Variants in ADGRL1 observed in about 807,000 individuals in gnomAD.
The protein encoded by ADGRL1 is adhesion G protein-coupled receptor L1.
Under a neutral mutation model 148.9 loss-of-function variants are expected in ADGRL1, and 31 were observed. The ratio of observed to expected loss-of-function variants is 0.21; its 90% CI spans 0.16 to 0.28. ADGRL1 has a LOEUF of 0.28. ADGRL1 is among the 10% of genes least tolerant of loss of function. ADGRL1 has a pLI of 1.00. For missense variants in ADGRL1, 1,521 were observed against 2,058.8 expected (o/e 0.74, Z 5.05); for synonymous variants, 937 against 900.3 (o/e 1.04, Z -0.73).
At chr19:14,163,456 C>T (rs751419412) in intron 4 of ADGRL1, 50 bp from the exon 5 acceptor site, 20 of 940,346 alleles carry the variant, frequency 2.1e-5, no homozygotes, top group Non-Finnish European at 2.9e-5. Flanking sequence ...GGGGCAGAGG[C>T]GAGAGGGAGG....
intron 1 of ADGRL1, among the ~76,000 whole-genome samples, chr19:14,204,298 G>GC (rs1479021694): frequency 6.6e-6 from 1 of 152,074 alleles, no homozygotes; most frequent in African/African-American, 2.4e-5. Context: ...GAAGTCACCT[G>GC]CCCCCCAAAG....
rs755303077 is a variant in ADGRL1 at position 14,150,862 on chromosome 19, A to G, written c.*11T>C. On this transcript the variant is annotated 3_prime_UTR_variant, in exon 23 of 23. Coordinates refer to ENST00000361434, the MANE Select transcript of ADGRL1 (RefSeq NM_014921.5). ...GGCCTGGGCCACCAGCCCCTGGTCC[A>G]TGAGGTGCCCTCAGAGACTGGTGAC... 18 of 1,610,468 alleles carry G rather than the reference A, an allele frequency of 1.1e-5. No individual in the cohort carries two copies. The highest frequency in any genetic ancestry group is 1.7e-5 in the Admixed American group (1 of 59,746).
chr19:14,151,671 G>A, intron 22 of ADGRL1, 56 bp from the exon 23 acceptor site: 3 of 1,489,766 alleles, frequency 2.0e-6, no homozygotes, highest in Non-Finnish European at 1.8e-6. Flanking sequence ...TGCACTAGGG[G>A]ACAGTGAGGG....
At chr19:14,183,751 TCTC>T (rs779040273) in intron 1 of ADGRL1, 54 bp from the exon 2 acceptor site, 48 of 655,320 alleles carry the variant, frequency 7.3e-5, no homozygotes, top group Non-Finnish European at 1.1e-4. Flanking sequence ...GCCGCTCCCC[TCTC>T]CTCCTGCTGG....
rs1969907500 is a variant in ADGRL1 at position 14,165,814 on chromosome 19, C to A, written c.395-2408G>T. ...GGAGCAGCTCAGAGGGACCCTGCCC[C>A]ACCTCCTTCGGAAGGGATGCTCCAC... On this transcript the variant is annotated intron_variant, in intron 4 of 22. Coordinates refer to ENST00000361434, the MANE Select transcript of ADGRL1 (RefSeq NM_014921.5). Among the ~76,000 whole-genome samples, 3 of 152,156 alleles carry A rather than the reference C, an allele frequency of 2.0e-5. No homozygotes were observed. In the South Asian group the frequency reaches 6.2e-4, roughly 32 times the overall value.
At position 14,157,981 on chromosome 19, in the gene ADGRL1, C is replaced by T. The variant is rs766175127; in HGVS notation, c.2436G>A (p.Ser812=). Residue 812 remains serine, a synonymous_variant, in exon 13 of 23, where the codon TCG becomes TCA. Coordinates refer to ENST00000361434, the MANE Select transcript of ADGRL1 (RefSeq NM_014921.5). The surrounding 1 kb of genome is among the most constrained non-coding windows in gnomAD (Gnocchi z 7.5). ...YSERSMLGYW[S]TQGCRLVESN... ...ACTCCACCAGGCGGCAGCCTTGGGTCGACCAGTAGCCCAGCATGGAACGCT... is the reference window on the plus strand; with the variant it reads ...ACTCCACCAGGCGGCAGCCTTGGGTTGACCAGTAGCCCAGCATGGAACGCT... 5.6e-6 allele frequency: 9 copies of T among 1,614,060 alleles called. No homozygotes were observed. Among genetic ancestry groups the T allele is most frequent in the East Asian group, 2.2e-5 (1 of 44,898 alleles).
intron 18 of ADGRL1, among the ~76,000 whole-genome samples, chr19:14,153,381 T>C (rs1311102968): frequency 6.6e-6 from 1 of 151,344 alleles, no homozygotes; most frequent in Admixed American, 6.6e-5. Context: ...GAAAGGGGGT[T>C]AGGCAGTGCT....
chr19:14,170,508 T>C (rs1435704370), intron 4 of ADGRL1, 174 bp downstream of exon 4: 11 of 546,230 alleles, frequency 2.0e-5, no homozygotes, highest in Middle Eastern at 4.2e-4. Context: ...AGGCACTGAG[T>C]GTGGACACTG....
At chr19:14,194,904 C>T (rs111993632) in intron 1 of ADGRL1, among the ~76,000 whole-genome samples, 12 of 147,230 alleles carry the variant, frequency 8.2e-5, no homozygotes, top group African/African-American at 3.0e-4. Flanking sequence ...TCCTTTGAGA[C>T]AGCAGGATCT....
chr19:14,158,598 C>T lies in ADGRL1; in HGVS notation c.2150-46G>A, dbSNP rs41276900. ...TGGATGTGTCAGCATCCTCAGCTGG[C>T]GCACCTCCATCCAGGCCCCTGGCTT... On this transcript the variant is annotated intron_variant, in intron 11 of 22. Coordinates refer to ENST00000361434, the MANE Select transcript of ADGRL1 (RefSeq NM_014921.5). The T allele has an allele frequency of 4.8e-3, 7,223 of 1,505,488 alleles. 24 individuals are homozygous for T. Among genetic ancestry groups the T allele is most frequent in the Non-Finnish European group, 5.5e-3 (6,015 of 1,086,988 alleles). 93.3% of individuals were successfully genotyped at this position (1,505,488 alleles called of 1,614,324 possible). A position where few individuals can be genotyped will look rare whatever the true frequency, so the allele number is the denominator to read the frequency against.
chr19:14,157,425 G>T lies in ADGRL1; in HGVS notation c.2571C>A (p.Val857=). 6.2e-7 allele frequency: 1 copy of T among 1,614,116 alleles called. No individual in the cohort carries two copies. The highest frequency in any genetic ancestry group is 1.1e-5 in the South Asian group (1 of 91,076). The change falls in exon 14 of 23, where the codon GTC becomes GTA. Residue 857 remains valine, a synonymous_variant. Coordinates refer to ENST00000361434, the MANE Select transcript of ADGRL1 (RefSeq NM_014921.5). The surrounding 1 kb of genome is among the most constrained non-coding windows in gnomAD (Gnocchi z 7.5). Reference sequence around the variant, plus strand: ...AGATCACAATGCCCACCCAGGTGATGACCGACAGCAGCAGCTCGTTGATGC... The same window carrying T: ...AGATCACAATGCCCACCCAGGTGATTACCGACAGCAGCAGCTCGTTGATGC... The part of the protein sequence containing the change: ...QGRINELLLS[V]ITWVGIVISL...
chr19:14,162,082 C>G lies in ADGRL1; in HGVS notation c.1196-456G>C, dbSNP rs1240750952. On this transcript the variant is annotated intron_variant, in intron 5 of 22. Transcript: ENST00000361434. The surrounding 1 kb of genome is among the most constrained non-coding windows in gnomAD (Gnocchi z 5.4). ...CTTCCTTCTGGGGGCCTCAACTCCC[C>G]CTTTTGCAAACAAGATGGGGTTAGA... 1.3e-5 allele frequency among the ~76,000 whole-genome samples: 2 copies of G among 152,180 alleles called. No individual in the cohort carries two copies. Among genetic ancestry groups the G allele is most frequent in the Admixed American group, 1.3e-4 (2 of 15,286 alleles).
chr19:14,184,924 C>T (rs1413926053), intron 1 of ADGRL1, among the ~76,000 whole-genome samples: 2 of 152,088 alleles, frequency 1.3e-5, no homozygotes, highest in African/African-American at 4.8e-5. Flanking sequence ...CAGGCGTGAG[C>T]CACAGCGCCC....
chr19:14,204,431 G>A (rs573284501), intron 1 of ADGRL1, among the ~76,000 whole-genome samples: 45 of 152,150 alleles, frequency 3.0e-4, no homozygotes, highest in African/African-American at 1.1e-3. Context: ...AGAGCAGGTG[G>A]AGGGCACGGA....
intron 4 of ADGRL1, among the ~76,000 whole-genome samples, chr19:14,164,357 A>T (rs1969740810): frequency 6.6e-6 from 1 of 152,030 alleles, no homozygotes; most frequent in Non-Finnish European, 1.5e-5. Context: ...GGGAAGAGAG[A>T]CAAGGGCGTA....
rs762194759 is a variant in ADGRL1, at chr19:14,183,645, C to CG, written c.-44dup. 2.6e-6 allele frequency: 4 copies of CG among 1,517,848 alleles called. No individual in the cohort carries two copies. Among genetic ancestry groups the CG allele is most frequent in the Non-Finnish European group, 3.6e-6 (4 of 1,119,748 alleles). 94.0% of individuals were successfully genotyped at this position (1,517,848 alleles called of 1,614,324 possible). On this transcript the variant is annotated 5_prime_UTR_variant, in exon 2 of 23. It removes the in-frame stop codon of an upstream open reading frame in the 5' UTR. Coordinates refer to ENST00000361434, the MANE Select transcript of ADGRL1 (RefSeq NM_014921.5). ...TGTCCGGAGCTCTCAGTGGCCTGTGCGGGGGGCTTTGCCCCACATCACCTG... is the reference window on the plus strand; with the variant it reads ...TGTCCGGAGCTCTCAGTGGCCTGTGCGGGGGGGCTTTGCCCCACATCACCTG...
chr19:14,161,574 G>A lies in ADGRL1; in HGVS notation c.1248C>T (p.Pro416=), dbSNP rs759123793. The A allele has an allele frequency of 1.4e-6, 2 of 1,451,384 alleles. No individual in the cohort carries two copies. Among genetic ancestry groups the A allele is most frequent in the Admixed American group, 5.5e-5 (2 of 36,404 alleles). 89.9% of individuals were successfully genotyped at this position (1,451,384 alleles called of 1,614,324 possible). A position where few individuals can be genotyped will look rare whatever the true frequency, so the allele number is the denominator to read the frequency against. Residue 416 remains proline (P), a synonymous_variant, in exon 6 of 23, where the codon CCC becomes CCT. Coordinates refer to ENST00000361434, the MANE Select transcript of ADGRL1 (RefSeq NM_014921.5). This position sits in a 1 kb window ranked among gnomAD's most constrained non-coding sequence, Gnocchi z 4.4. ...LSTTTTARPT[P]LTSTASPAAT... is the part of the protein sequence containing the mutation. ...CTGCGGGCGAGGCTGTGCTGGTGAG[G>A]GGCGTGGGCCTGGCTGTGGTGGTCG...
At chr19:14,187,318 A>G (rs1971634311) in intron 1 of ADGRL1, among the ~76,000 whole-genome samples, 1 of 152,200 alleles carries the variant, frequency 6.6e-6, no homozygotes, top group Admixed American at 6.5e-5. Flanking sequence ...CAGCCTGGGC[A>G]ACAGAGCCAG....
rs546453628 is a variant in ADGRL1, at chr19:14,149,880, C to T, written c.*993G>A. ...AGAAAGCCCGGGCTGGCCCGGGCCG[C>T]AGGCTCCCGGTGGCTTCAAGTGATG... On this transcript the variant is annotated 3_prime_UTR_variant, in exon 23 of 23. Coordinates refer to ENST00000361434, the MANE Select transcript of ADGRL1 (RefSeq NM_014921.5). 7 of 151,754 alleles carry T rather than the reference C, an allele frequency of 4.6e-5. No individual in the cohort carries two copies. Among genetic ancestry groups the T allele is most frequent in the African/African-American group, 1.7e-4 (7 of 41,176 alleles). The allele number at this position is 151,754 out of a possible 1,614,324, so 9.4% of individuals were successfully genotyped here.
Sources: gnomAD v4.1 joint callset for allele counts (sites outside exome capture counted in the v4.1 genomes callset) on GRCh38, gnomAD v4.1.1 for gene constraint, Gnocchi (gnomAD v3.1) non-coding constraint, MANE v1.5 for transcripts, NCBI Gene and HGNC (gene_info 2026-07-23, HGNC 2026-07-21) for gene names.